The following ITGAE variants were observed in gnomAD, a reference collection of about 807,000 sequenced individuals.
The protein encoded by ITGAE is integrin alpha-E.
A neutral mutation model predicts 136.5 loss-of-function variants in ITGAE; 99 were observed. That is an observed-to-expected ratio of 0.73 (90% CI 0.62 to 0.86). The LOEUF (loss-of-function observed/expected upper bound fraction) is 0.86, where lower values mean the gene tolerates loss of function less well. Ranked by LOEUF, ITGAE falls within the 40% of genes least tolerant of loss-of-function variation. ITGAE has a pLI of 0.00. For synonymous variants in ITGAE, 613 were observed against 591.8 expected (o/e 1.04, Z -0.52); for missense variants, 1,447 against 1,515.3 (o/e 0.95, Z 0.75).
intron 1 of ITGAE, among the ~76,000 whole-genome samples, chr17:3,779,441 T>C (rs1303617896): frequency 3.3e-5 from 5 of 151,728 alleles, no homozygotes; most frequent in African/African-American, 4.8e-5. Flanking sequence ...GATTCTCCTG[T>C]CTCAGCCTCC....
chr17:3,742,571 C>T (rs2051613606), intron 19 of ITGAE, among the ~76,000 whole-genome samples: 2 of 151,806 alleles, frequency 1.3e-5, no homozygotes, highest in Non-Finnish European at 2.9e-5. Context: ...TCTCCTGCCT[C>T]AGCCTCCTGA....
rs576958761 is a variant in ITGAE, at chr17:3,776,864, TTTTC to T, written c.155+672_155+675del. On this transcript the variant is annotated intron_variant, in intron 2 of 30. Coordinates refer to ENST00000263087, the MANE Select transcript of ITGAE (RefSeq NM_002208.5). ...GTGAGCCACGGTGCCAGGCCCAGTT[TTTTC>T]TTTGTTATTTTTTGTTTCCAAATGT... Among the ~76,000 whole-genome samples the T allele has an allele frequency of 1.9e-3, 282 of 151,004 alleles. 3 individuals are homozygous for T. Among genetic ancestry groups the T allele is most frequent in the African/African-American group, 6.4e-3 (263 of 41,218 alleles).
chr17:3,750,319 C>A, intron 16 of ITGAE, 33 bp downstream of exon 16: 2 of 1,611,562 alleles, frequency 1.2e-6, no homozygotes, highest in Non-Finnish European at 8.5e-7. Context: ...TGAGGCTGGG[C>A]CTGGGACCCC....
chr17:3,780,873 A>T (rs1347637368), intron 1 of ITGAE, among the ~76,000 whole-genome samples: 1 of 151,794 alleles, frequency 6.6e-6, no homozygotes, highest in African/African-American at 2.4e-5. Context: ...GCTAATTTTT[A>T]AAAAATTTTT....
At chr17:3,769,146 G>A (rs1200467034) in intron 2 of ITGAE, among the ~76,000 whole-genome samples, 2 of 152,094 alleles carry the variant, frequency 1.3e-5, no homozygotes, top group Non-Finnish European at 2.9e-5. Context: ...GTTTTGGTGG[G>A]GTAGGTGCAG....
intron 20 of ITGAE, among the ~76,000 whole-genome samples, chr17:3,738,596 C>T (rs2051514004): frequency 1.3e-5 from 2 of 152,208 alleles, no homozygotes; most frequent in South Asian, 4.1e-4. Context: ...ATCTGCGCTG[C>T]CCAACACCAC....
intron 23 of ITGAE, 65 bp downstream of exon 23, chr17:3,731,039 C>T: frequency 2.3e-6 from 3 of 1,311,082 alleles, no homozygotes; most frequent in Non-Finnish European, 2.2e-6. Context: ...TCACAGCGTG[C>T]ATGTGGCAGG....
At chr17:3,743,289 C>T (rs971541734) in intron 19 of ITGAE, among the ~76,000 whole-genome samples, 200 bp downstream of exon 19, 9 of 152,198 alleles carry the variant, frequency 5.9e-5, no homozygotes, top group East Asian at 1.9e-4. Flanking sequence ...TGGAGACCTG[C>T]GTTACCCATG....
At position 3,782,622 on chromosome 17, in the gene ITGAE, G is replaced by A. The variant is rs149555241; in HGVS notation, c.35-4962C>T. On this transcript the variant is annotated intron_variant, in intron 1 of 30. Coordinates refer to ENST00000263087, the MANE Select transcript of ITGAE (RefSeq NM_002208.5). Reference sequence around the variant, plus strand: ...ACCTCAGGTGATTCAGCCGTTCAACGTGCTGGGATTACAGGTGTGAGCCAC... The same window carrying A: ...ACCTCAGGTGATTCAGCCGTTCAACATGCTGGGATTACAGGTGTGAGCCAC... Among the ~76,000 whole-genome samples the A allele has an allele frequency of 2.2e-3, 328 of 152,080 alleles. 4 individuals carry two copies. Among genetic ancestry groups the A allele is most frequent in the South Asian group, 1.5e-3 (7 of 4,818 alleles).
chr17:3,770,157 T>C (rs186907004), intron 2 of ITGAE, among the ~76,000 whole-genome samples: 31 of 150,978 alleles, frequency 2.1e-4, no homozygotes, highest in African/African-American at 6.8e-4. Flanking sequence ...TCTCACTCTG[T>C]CGCCCAGGCT....
intron 23 of ITGAE, 42 bp downstream of exon 23, chr17:3,731,062 G>A (rs535391905): frequency 2.5e-5 from 37 of 1,505,924 alleles, no homozygotes; most frequent in Admixed American, 3.4e-5. Flanking sequence ...GATGTCTTCC[G>A]GGGTCATAGC....
chr17:3,755,139 C>T lies in ITGAE; in HGVS notation c.1362G>A (p.Glu454=), dbSNP rs1448718120. The T allele has an allele frequency of 1.0e-5, 15 of 1,470,742 alleles. No individual in the cohort carries two copies. Among genetic ancestry groups the T allele is most frequent in the East Asian group, 2.3e-5 (1 of 42,926 alleles). 91.1% of individuals were successfully genotyped at this position (1,470,742 alleles called of 1,614,324 possible). ...NQTAAAAADA[E]AAQYSYLGYA... ...CACCCAGGTAGCTGTACTGCGCAGCCTCCGCGTCTGCCGCCGCCGCCGCTG... is the reference window on the plus strand; with the variant it reads ...CACCCAGGTAGCTGTACTGCGCAGCTTCCGCGTCTGCCGCCGCCGCCGCTG... Residue 454 remains glutamate (E), a synonymous_variant, in exon 12 of 31, where the codon GAG becomes GAA. Transcript: ENST00000263087.
chr17:3,763,926 G>T lies in ITGAE; in HGVS notation c.190C>A (p.Pro64Thr), dbSNP rs2052233512. 2 of 1,613,684 alleles carry T rather than the reference G, an allele frequency of 1.2e-6. No individual in the cohort carries two copies. The highest frequency in any genetic ancestry group is 1.1e-5 in the South Asian group (1 of 91,040). ...LVTSPRTKRT[P>T]GPLHRCSLVQ... ...AGGGAACATCGATGGAGGGGCCCTG[G>T]TGTCCTCTTGGTTCTGGGGCTGGTG... The change falls in exon 3 of 31, where the codon CCA becomes ACA. Residue 64 changes from proline (P) to threonine (T), a missense_variant. Pro to Thr is a conservative substitution (Grantham distance 38). Transcript: ENST00000263087.
intron 16 of ITGAE, among the ~76,000 whole-genome samples, chr17:3,748,499 A>G (rs956461282): frequency 2.0e-5 from 3 of 152,138 alleles, no homozygotes; most frequent in African/African-American, 7.2e-5. Context: ...AGGCAGGAGA[A>G]TTGCTTAAAC....
At chr17:3,747,891 C>T in intron 17 of ITGAE, 31 bp downstream of exon 17, 1 of 1,473,632 alleles carries the variant, frequency 6.8e-7, no homozygotes, top group Non-Finnish European at 9.2e-7. Context: ...ACCATCACAC[C>T]AGGCAGGGGT....
chr17:3,793,714 A>G (rs1393963373), intron 1 of ITGAE, among the ~76,000 whole-genome samples: 1 of 152,082 alleles, frequency 6.6e-6, no homozygotes, highest in Non-Finnish European at 1.5e-5. Flanking sequence ...ACTCCTGGCT[A>G]ATTTTTGTAT....
intron 7 of ITGAE, 21 bp downstream of exon 7, chr17:3,760,151 C>T (rs747507509): frequency 2.6e-5 from 37 of 1,401,198 alleles, no homozygotes; most frequent in Non-Finnish European, 3.8e-5. Flanking sequence ...TAAGTGTTAA[C>T]CAGCTCTTAG....
At chr17:3,797,605 T>G (rs548886100) in intron 1 of ITGAE, among the ~76,000 whole-genome samples, 1 of 151,720 alleles carries the variant, frequency 6.6e-6, no homozygotes, top group African/African-American at 2.4e-5. Flanking sequence ...GAATTACAGG[T>G]GCGCACCACC....
Position 3,759,383 on chromosome 17 carries a change from C to G in ITGAE, c.866+19G>C, listed in dbSNP as rs1454705792. 3.1e-6 allele frequency: 5 copies of G among 1,608,472 alleles called. No homozygotes were observed. The highest frequency in any genetic ancestry group is 1.3e-5 in the African/African-American group (1 of 74,800). On this transcript the variant is annotated intron_variant, in intron 8 of 30. Transcript: ENST00000263087. ...ACTCTGGGCATGGCCAGAATAATTCCTGCAGCCCCCACACTCACAAGACGT... is the reference window on the plus strand; with the variant it reads ...ACTCTGGGCATGGCCAGAATAATTCGTGCAGCCCCCACACTCACAAGACGT...
Sources: gnomAD v4.1 joint callset for allele counts (sites outside exome capture counted in the v4.1 genomes callset) on GRCh38, gnomAD v4.1.1 for gene constraint, MANE v1.5 for transcripts, NCBI Gene and HGNC (gene_info 2026-07-23, HGNC 2026-07-21) for gene names.